Variants in CCDC60 observed in about 807,000 individuals in gnomAD.
The protein encoded by CCDC60 is coiled-coil domain containing 60.
In CCDC60, 54 loss-of-function variants were observed where a neutral mutation model predicts 63.5. The observed-to-expected ratio is 0.85, with a 90% CI of 0.68 to 1.07. The LOEUF (loss-of-function observed/expected upper bound fraction) is 1.07. CCDC60 is among the 50% of genes least tolerant of loss of function. The pLI, the probability that CCDC60 is intolerant of heterozygous loss-of-function variation, is 0.00. For missense variants in CCDC60, 651 were observed against 684.3 expected, an observed-to-expected ratio of 0.95 and a Z score of 0.54; for synonymous variants, 206 against 238.8, an observed-to-expected ratio of 0.86 and a Z score of 1.27.
chr12:119,354,297 G>T (rs1335024763), intron 1 of CCDC60, among the ~76,000 whole-genome samples: 2 of 152,168 alleles, frequency 1.3e-5, no homozygotes, highest in Non-Finnish European at 2.9e-5. Context: ...CAGACCAATT[G>T]CTAGGCAATC....
intron 2 of CCDC60, among the ~76,000 whole-genome samples, chr12:119,441,631 T>G (rs12322638): frequency 0.21 from 31,719 of 152,198 alleles, 3,439 homozygotes; most frequent in Admixed American, 0.27. Context: ...TTTAAATCAA[T>G]GGAACTATTC....
At chr12:119,416,791 CA>C (rs1956707351) in intron 1 of CCDC60, among the ~76,000 whole-genome samples, 1 of 152,064 alleles carries the variant, frequency 6.6e-6, no homozygotes, top group African/African-American at 2.4e-5. Context: ...CCCCACAAAT[CA>C]AGGGTTGGGC....
At chr12:119,406,224 T>C (rs1956489292) in intron 1 of CCDC60, among the ~76,000 whole-genome samples, 1 of 149,954 alleles carries the variant, frequency 6.7e-6, no homozygotes, top group Non-Finnish European at 1.5e-5. Context: ...GAGAGAGAGT[T>C]GGGGTCTTCT....
intron 1 of CCDC60, among the ~76,000 whole-genome samples, chr12:119,408,348 G>A (rs1038785790): frequency 6.6e-6 from 1 of 152,206 alleles, no homozygotes; most frequent in African/African-American, 2.4e-5. Context: ...CTCTGCTTCA[G>A]GATCTCCTGA....
At chr12:119,399,936 A>G (rs1453756996) in intron 1 of CCDC60, among the ~76,000 whole-genome samples, 1 of 152,110 alleles carries the variant, frequency 6.6e-6, no homozygotes, top group Non-Finnish European at 1.5e-5. Flanking sequence ...AGCTTTTTAG[A>G]TTAAGTATCG....
intron 2 of CCDC60, among the ~76,000 whole-genome samples, chr12:119,438,884 C>G (rs954073): frequency 2.0e-5 from 3 of 151,924 alleles, no homozygotes; most frequent in African/African-American, 7.3e-5. Context: ...TGAATAAGGA[C>G]AGAATGAGAT....
chr12:119,433,484 C>T (rs1036291335), intron 2 of CCDC60: 1 of 702,336 alleles, frequency 1.4e-6, no homozygotes, highest in Non-Finnish European at 2.6e-6. Context: ...TTCCATCTGG[C>T]CACACTTCTG....
At chr12:119,532,440 C>T (rs1952876881) in intron 13 of CCDC60, among the ~76,000 whole-genome samples, 1 of 106,262 alleles carries the variant, frequency 9.4e-6, no homozygotes. Context: ...TATCATTATA[C>T]TTTAAGTTCT....
Position 119,528,595 on chromosome 12 carries a change from T to G in CCDC60, c.1230-20T>G. The G allele has an allele frequency of 3.1e-6, 5 of 1,605,792 alleles. No homozygotes were observed. The highest frequency in any genetic ancestry group is 4.3e-6 in the Non-Finnish European group (5 of 1,175,392). ...GGAGGGGATCTCATTCTTCTCTCTC[T>G]TTCTCATACAACCTTGTAGGCGCCA... On this transcript the variant is annotated intron_variant, in intron 11 of 13. Transcript: ENST00000327554.
intron 1 of CCDC60, among the ~76,000 whole-genome samples, chr12:119,350,170 A>ATTATTTATTTATTTAT (rs10534165): frequency 2.1e-5 from 3 of 144,734 alleles, no homozygotes; most frequent in African/African-American, 7.7e-5. Flanking sequence ...TCTTTGCTTT[A>ATTATTTATTTATTTAT]TTATTTATTT....
intron 1 of CCDC60, among the ~76,000 whole-genome samples, chr12:119,407,151 G>A (rs962319554): frequency 2.6e-5 from 4 of 152,120 alleles, no homozygotes; most frequent in African/African-American, 7.2e-5. Flanking sequence ...GTGTGTGTAC[G>A]TAAATGGAGC....
chr12:119,380,429 G>T (rs1955996363), intron 1 of CCDC60, among the ~76,000 whole-genome samples: 1 of 152,152 alleles, frequency 6.6e-6, no homozygotes, highest in Admixed American at 6.5e-5. Context: ...GCCAGCGTTT[G>T]GTGGGAAATG....
chr12:119,436,379 AGGGTCCAT>A (rs1041119088), intron 2 of CCDC60, among the ~76,000 whole-genome samples: 6 of 152,130 alleles, frequency 3.9e-5, no homozygotes, highest in Non-Finnish European at 8.8e-5. Context: ...GGGATGCCAG[AGGGTCCAT>A]GGTGAGCTGT....
intron 9 of CCDC60, among the ~76,000 whole-genome samples, chr12:119,521,438 G>C (rs1952527232): frequency 1.3e-5 from 2 of 152,086 alleles, no homozygotes; most frequent in African/African-American, 4.8e-5. Context: ...AAAGAAGTAG[G>C]GGTGTTGGGT....
intron 2 of CCDC60, among the ~76,000 whole-genome samples, chr12:119,442,822 G>T (rs78962321): frequency 6.6e-6 from 1 of 152,100 alleles, no homozygotes; most frequent in Non-Finnish European, 1.5e-5. Flanking sequence ...AAATTTACAC[G>T]GTGCTTCCAT....
At chr12:119,513,634 T>C (rs1952273289) in intron 7 of CCDC60, among the ~76,000 whole-genome samples, 1 of 152,234 alleles carries the variant, frequency 6.6e-6, no homozygotes, top group South Asian at 2.1e-4. Flanking sequence ...ACGTGTCACA[T>C]AACAATGTTT....
At chr12:119,343,383 G>A (rs1443312818) in intron 1 of CCDC60, among the ~76,000 whole-genome samples, 1 of 152,142 alleles carries the variant, frequency 6.6e-6, no homozygotes, top group Non-Finnish European at 1.5e-5. Context: ...AACTGGGACA[G>A]ATTCTGGGAT....
At chr12:119,507,617 T>TTTG (rs1295486938) in intron 7 of CCDC60, among the ~76,000 whole-genome samples, 1 of 101,740 alleles carries the variant, frequency 9.8e-6, no homozygotes. Context: ...TATATATATT[T>TTTG]TTTTTTTTTT....
At chr12:119,387,572 C>T (rs1424974154) in intron 1 of CCDC60, among the ~76,000 whole-genome samples, 4 of 152,194 alleles carry the variant, frequency 2.6e-5, no homozygotes, top group Non-Finnish European at 4.4e-5. Flanking sequence ...TGTGATTCCT[C>T]CCACCCCCTT....
Sources: gnomAD v4.1 joint callset for allele counts (sites outside exome capture counted in the v4.1 genomes callset) on GRCh38, gnomAD v4.1.1 for gene constraint, MANE v1.5 for transcripts, NCBI Gene and HGNC (gene_info 2026-07-23, HGNC 2026-07-21) for gene names.